Variants in NECTIN1 observed in about 807,000 individuals in gnomAD.
NECTIN1 encodes the protein nectin cell adhesion molecule 1.
A neutral mutation model predicts 48.0 loss-of-function variants in NECTIN1; 23 were observed. That is an observed-to-expected ratio of 0.48 (90% CI 0.34 to 0.68). The LOEUF is 0.68. NECTIN1 is among the 30% of genes least tolerant of loss of function. The probability of loss-of-function intolerance (pLI) is 0.01; values close to 1 mark genes in which losing one functional copy is unlikely to be tolerated. For missense variants in NECTIN1, 591 were observed against 709.9 expected (o/e 0.83, Z 1.90); for synonymous variants, 270 against 288.9 (o/e 0.93, Z 0.66).
intron 5 of NECTIN1, among the ~76,000 whole-genome samples, chr11:119,648,277 A>ATGGTGGTGGTGATGG (rs1864429485): frequency 4.0e-5 from 1 of 25,014 alleles, no homozygotes; most frequent in Non-Finnish European, 6.7e-5. Flanking sequence ...GGTGGTGGTG[A>ATGGTGGTGGTGATGG]TGGTGGTGGT....
chr11:119,687,311 A>C (rs1356812182), intron 1 of NECTIN1: 2 of 152,160 alleles, frequency 1.3e-5, no homozygotes, highest in African/African-American at 4.8e-5. Context: ...TCACCCAAGC[A>C]AACTCCATCC....
At chr11:119,716,147 G>T (rs560827159) in intron 1 of NECTIN1, among the ~76,000 whole-genome samples, 12 of 152,152 alleles carry the variant, frequency 7.9e-5, no homozygotes, top group Non-Finnish European at 1.5e-4. Flanking sequence ...TCTGGGTTGG[G>T]GGGGCGGATC....
In NECTIN1 at chr11:119,662,091, G is replaced by A. The variant is rs1591446886; in HGVS notation, c.*2656C>T. 1 of 985,450 alleles carries A rather than the reference G, an allele frequency of 1.0e-6. No individual in the cohort carries two copies. The highest frequency in any genetic ancestry group is 1.7e-5 in the African/African-American group (1 of 57,238). 61.0% of individuals were successfully genotyped at this position (985,450 alleles called of 1,614,324 possible). A position where few individuals can be genotyped will look rare whatever the true frequency, so the allele number is the denominator to read the frequency against. Reference sequence around the variant, plus strand: ...GGGGCAAGGACAGGGAGGGCAACAAGAGGCAGGATGACAACTGGGGAGGCC... The same window carrying A: ...GGGGCAAGGACAGGGAGGGCAACAAAAGGCAGGATGACAACTGGGGAGGCC... On this transcript the variant is annotated 3_prime_UTR_variant, in exon 6 of 6. Coordinates refer to ENST00000264025, the MANE Select transcript of NECTIN1 (RefSeq NM_002855.5). The surrounding 1 kb of genome is among the most constrained non-coding windows in gnomAD (Gnocchi z 5.3).
intron 1 of NECTIN1, among the ~76,000 whole-genome samples, chr11:119,679,428 T>C (rs954554546): frequency 8.5e-5 from 13 of 152,170 alleles, no homozygotes; most frequent in Non-Finnish European, 1.9e-4. Context: ...TGGGGTGCAC[T>C]AGCTGGGCCC....
intron 1 of NECTIN1, among the ~76,000 whole-genome samples, chr11:119,704,142 C>A (rs1419696824): frequency 6.6e-6 from 1 of 152,174 alleles, no homozygotes; most frequent in Non-Finnish European, 1.5e-5. Context: ...GCCCCACCAT[C>A]ATTTTCCTGC....
intron 1 of NECTIN1, among the ~76,000 whole-genome samples, chr11:119,715,840 C>G (rs1015535248): frequency 2.0e-5 from 3 of 152,226 alleles, no homozygotes; most frequent in Non-Finnish European, 2.9e-5. Context: ...CTTGAAAGAG[C>G]TGACACCCTC....
intron 1 of NECTIN1, among the ~76,000 whole-genome samples, chr11:119,723,693 CA>C (rs1865867303): frequency 6.6e-6 from 1 of 152,196 alleles, no homozygotes; most frequent in African/African-American, 2.4e-5. Context: ...TGTGTTTTCT[CA>C]TATCTCTTCC....
intron 6 of NECTIN1, chr11:119,639,730 C>T (rs568130105): frequency 5.0e-6 from 6 of 1,191,234 alleles, no homozygotes; most frequent in African/African-American, 1.5e-5. Context: ...AGGGTTAGTT[C>T]CTGGTCCCCC....
At chr11:119,644,329 C>T (rs1281734681) in intron 5 of NECTIN1, among the ~76,000 whole-genome samples, 2 of 152,202 alleles carry the variant, frequency 1.3e-5, no homozygotes, top group South Asian at 2.1e-4. Context: ...ACTGAGGCCT[C>T]GTGGTTTGGG....
At chr11:119,653,209 C>T (rs1864517421) in intron 5 of NECTIN1, among the ~76,000 whole-genome samples, 1 of 152,088 alleles carries the variant, frequency 6.6e-6, no homozygotes, top group Non-Finnish European at 1.5e-5. Context: ...TACCGTATTC[C>T]TCAATAAAAA....
chr11:119,690,925 G>A (rs537148803), intron 1 of NECTIN1, among the ~76,000 whole-genome samples: 40 of 151,968 alleles, frequency 2.6e-4, no homozygotes, highest in African/African-American at 9.4e-4. Flanking sequence ...CCCCAACCCC[G>A]ATTCTCTCCC....
chr11:119,718,611 C>T (rs770035371), intron 1 of NECTIN1, among the ~76,000 whole-genome samples: 5 of 152,192 alleles, frequency 3.3e-5, no homozygotes, highest in South Asian at 2.1e-4. Flanking sequence ...TGGGAACACG[C>T]GCTGGGGGAC....
exon 6 of NECTIN1, chr11:119,639,951 G>A (rs1421097496): frequency 1.4e-5 from 22 of 1,614,032 alleles, no homozygotes; most frequent in Non-Finnish European, 1.6e-5. Context: ...TGAGGAACAC[G>A]GCCACGGTGC....
chr11:119,714,006 G>A, intron 1 of NECTIN1: 1 of 383,240 alleles, frequency 2.6e-6, no homozygotes. Flanking sequence ...CCCCCCCTTG[G>A]TATTCAGGAC....
intron 1 of NECTIN1, among the ~76,000 whole-genome samples, chr11:119,691,620 A>T (rs1377546987): frequency 6.6e-6 from 1 of 152,184 alleles, no homozygotes; most frequent in East Asian, 1.9e-4. Context: ...GGGCGGTGGG[A>T]AGGCAGAGGC....
chr11:119,673,791 T>C lies in NECTIN1; in HGVS notation c.1003+1368A>G, dbSNP rs1295652305. ...GGTAACCATGAGGCTCATTTTGAGC[T>C]GTACTTGGACCTTCCCCGCTGGGGA... On this transcript the variant is annotated intron_variant, in intron 5 of 5. Transcript: ENST00000264025. The surrounding 1 kb of genome is among the most constrained non-coding windows in gnomAD (Gnocchi z 5.8). Among the ~76,000 whole-genome samples the C allele has an allele frequency of 6.6e-6, 1 of 152,318 alleles. No homozygotes were observed. Among genetic ancestry groups the C allele is most frequent in the Admixed American group, 6.5e-5 (1 of 15,308 alleles).
At chr11:119,721,385 C>G (rs865972723) in intron 1 of NECTIN1, among the ~76,000 whole-genome samples, 2 of 152,302 alleles carry the variant, frequency 1.3e-5, no homozygotes, top group Middle Eastern at 3.4e-3. Flanking sequence ...CTCAGACTCC[C>G]AGTGGGACAT....
intron 5 of NECTIN1, among the ~76,000 whole-genome samples, chr11:119,649,628 T>C (rs1864461169): frequency 6.6e-6 from 1 of 152,094 alleles, no homozygotes; most frequent in Non-Finnish European, 1.5e-5. Context: ...AGGCGGAGGT[T>C]GCAGTGAGCC....
At chr11:119,707,551 C>T (rs1199908890) in intron 1 of NECTIN1, among the ~76,000 whole-genome samples, 2 of 152,262 alleles carry the variant, frequency 1.3e-5, no homozygotes, top group Non-Finnish European at 1.5e-5. Context: ...CTCCAACTGC[C>T]CATGTAGGCA....
Sources: allele counts gnomAD v4.1 joint callset (sites outside exome capture counted in the v4.1 genomes callset), GRCh38; gene constraint gnomAD v4.1.1; non-coding constraint Gnocchi (gnomAD v3.1); transcripts MANE v1.5; gene names NCBI Gene and HGNC (gene_info 2026-07-23, HGNC 2026-07-21).